PCNX2: variants seen among roughly 807,000 people sequenced by gnomAD.
PCNX2 encodes pecanex-like protein 2.
Under a neutral mutation model 223.8 loss-of-function variants are expected in PCNX2, and 168 were observed. The ratio of observed to expected loss-of-function variants is 0.75; its 90% CI spans 0.66 to 0.85. PCNX2 has a LOEUF of 0.85. Among genes scored for constraint, PCNX2 ranks in the 40% least tolerant of loss-of-function variants. The probability of loss-of-function intolerance (pLI) is 0.00; values close to 1 mark genes in which losing one functional copy is unlikely to be tolerated. For missense variants in PCNX2, 2,507 were observed against 2,675.5 expected (o/e 0.94, Z 1.39); for synonymous variants, 1,006 against 1,052.6 (o/e 0.96, Z 0.86).
intron 19 of PCNX2, among the ~76,000 whole-genome samples, chr1:233,148,624 G>A (rs2077793): frequency 0.1 from 15,536 of 151,796 alleles, 2,394 homozygotes; most frequent in African/African-American, 0.34. Context: ...CTGGCCTTGA[G>A]CTCCTGACCT....
At chr1:233,039,408 G>A (rs1226459701) in intron 25 of PCNX2, among the ~76,000 whole-genome samples, 1 of 152,160 alleles carries the variant, frequency 6.6e-6, no homozygotes, top group East Asian at 1.9e-4. Context: ...CATGTCGACA[G>A]TCGGGTAATA....
chr1:233,268,109 A>C (rs746022549), intron 1 of PCNX2, among the ~76,000 whole-genome samples: 4 of 152,132 alleles, frequency 2.6e-5, no homozygotes, highest in Non-Finnish European at 5.9e-5. Flanking sequence ...ACTAGGTTTC[A>C]CCATGTTGGC....
At chr1:233,239,945 CT>C (rs1479209177) in intron 8 of PCNX2, among the ~76,000 whole-genome samples, 1 of 152,146 alleles carries the variant, frequency 6.6e-6, no homozygotes, top group African/African-American at 2.4e-5. Context: ...TAATTAACCT[CT>C]TTTATGAGGG....
chr1:233,147,452 A>T (rs1475088331), intron 19 of PCNX2, among the ~76,000 whole-genome samples: 2 of 152,072 alleles, frequency 1.3e-5, no homozygotes, highest in African/African-American at 4.8e-5. Flanking sequence ...CTTCACGTTG[A>T]GTAGGCTGAG....
intron 8 of PCNX2, among the ~76,000 whole-genome samples, chr1:233,245,923 AAAAC>A (rs113393986): frequency 5.9e-5 from 9 of 152,014 alleles, no homozygotes; most frequent in South Asian, 4.1e-4. Context: ...CTCAAAAAAC[AAAAC>A]AAACAAACAA....
chr1:233,187,858 A>C (rs1484080787), intron 15 of PCNX2, among the ~76,000 whole-genome samples: 1 of 152,200 alleles, frequency 6.6e-6, no homozygotes, highest in Non-Finnish European at 1.5e-5. Flanking sequence ...GGTCTCTTGC[A>C]GCTAGAAATG....
the PCNX2 span, among the ~76,000 whole-genome samples, chr1:233,318,466 GA>G: frequency 0.011 from 1,598 of 151,442 alleles, 28 homozygotes; most frequent in African/African-American, 0.036. Context: ...AATGGCTGGT[GA>G]ACCCATAATC....
intron 1 of PCNX2, among the ~76,000 whole-genome samples, chr1:233,265,201 C>T (rs1273415552): frequency 6.6e-6 from 1 of 151,406 alleles, no homozygotes; most frequent in Non-Finnish European, 1.5e-5. Context: ...TATAATCATG[C>T]CACTGTACTC....
rs186579997 is a variant in PCNX2 at position 233,294,693 on chromosome 1, C to G, written c.153+633G>C. On this transcript the variant is annotated intron_variant, in intron 1 of 33. Coordinates refer to ENST00000258229, the MANE Select transcript of PCNX2 (RefSeq NM_014801.4). ...GAAGGCCATCTATGTAGTTCTTCAG[C>G]AAGCACTCACTTACCATAACCCCAC... is the stretch of plus-strand genomic sequence containing the variant. Among the ~76,000 whole-genome samples, 346 of 152,304 alleles carry G rather than the reference C, an allele frequency of 2.3e-3. 4 individuals are homozygous for G. Among genetic ancestry groups the G allele is most frequent in the South Asian group, 1.7e-3 (8 of 4,830 alleles).
intron 17 of PCNX2, among the ~76,000 whole-genome samples, chr1:233,165,349 T>C (rs1247593703): frequency 1.3e-5 from 2 of 152,118 alleles, no homozygotes; most frequent in Non-Finnish European, 2.9e-5. Context: ...ACATTTTGGT[T>C]TTTACAATTT....
rs771807234 is a variant in PCNX2, at chr1:233,199,011, C to G, written c.2994G>C (p.Ser998=). The part of the protein sequence containing the change: ...FGGSAVSGIT[S]AVYSVARSVL... ...CGCTCCGGGCCACACTGTAAACAGC[C>G]GAGGTTATCCCAGACACAGCTGGAA... The change falls in exon 15 of 34, where the codon TCG becomes TCC. Residue 998 remains serine, a synonymous_variant. Transcript: ENST00000258229. 6.3e-7 allele frequency: 1 copy of G among 1,598,118 alleles called. No homozygotes were observed. The highest frequency in any genetic ancestry group is 1.3e-5 in the African/African-American group (1 of 74,646).
intron 19 of PCNX2, among the ~76,000 whole-genome samples, chr1:233,140,579 G>C (rs572302754): frequency 2.0e-5 from 3 of 152,212 alleles, no homozygotes; most frequent in Non-Finnish European, 4.4e-5. Flanking sequence ...TGATGGGGAA[G>C]AGGTTCTTTC....
rs181530357 is a variant in PCNX2, at chr1:233,134,198, C to A, written c.3837+815G>T. Among the ~76,000 whole-genome samples, 546 of 152,260 alleles carry A rather than the reference C, an allele frequency of 3.6e-3. 9 individuals are homozygous for A. The highest frequency in any genetic ancestry group is 1.8e-3 in the Non-Finnish European group (124 of 68,016). ...ACTGCCGGTGTGAGTGTGAACACCA[C>A]GTGGAAGAGGTTGTATCATCACTGA... On this transcript the variant is annotated intron_variant, in intron 21 of 33. Transcript: ENST00000258229.
At position 233,102,295 on chromosome 1, in the gene PCNX2, G is replaced by A. The variant is rs114280017; in HGVS notation, c.3838-6432C>T. Among the ~76,000 whole-genome samples the A allele has an allele frequency of 4.7e-3, 708 of 152,206 alleles. 1 individual carries two copies. Among genetic ancestry groups the A allele is most frequent in the African/African-American group, 0.015 (635 of 41,536 alleles). ...CATTCATCTGCTGATGGGGACTGAG[G>A]TTGATTCCATATTTTGGCTGTTGTG... On this transcript the variant is annotated intron_variant, in intron 21 of 33. Coordinates refer to ENST00000258229, the MANE Select transcript of PCNX2 (RefSeq NM_014801.4).
intron 23 of PCNX2, among the ~76,000 whole-genome samples, chr1:233,064,901 T>A (rs1040555800): frequency 9.2e-5 from 14 of 152,224 alleles, no homozygotes; most frequent in African/African-American, 3.4e-4. Flanking sequence ...AACCACATAT[T>A]ACTCCACTGT....
At chr1:233,202,256 A>G (rs753050507) in intron 13 of PCNX2, 2 of 464,520 alleles carry the variant, frequency 4.3e-6, no homozygotes, top group South Asian at 3.2e-5. Flanking sequence ...TTTCCCTGTG[A>G]ACAAACATTT....
chr1:233,306,684 T>C, the PCNX2 span, among the ~76,000 whole-genome samples: 2 of 152,236 alleles, frequency 1.3e-5, no homozygotes, highest in Non-Finnish European at 2.9e-5. Context: ...CCAAAATATG[T>C]GCTTGAAGGT....
intron 23 of PCNX2, chr1:233,087,233 A>G: frequency 1.0e-6 from 1 of 984,394 alleles, no homozygotes; most frequent in Non-Finnish European, 1.2e-6. Context: ...TGCAATAAAA[A>G]CCAAGGGACT....
chr1:233,188,733 G>A (rs1439076941), intron 15 of PCNX2, among the ~76,000 whole-genome samples: 4 of 152,130 alleles, frequency 2.6e-5, no homozygotes, highest in African/African-American at 9.7e-5. Context: ...ATGTTGGTCA[G>A]GCTGGTCTCA....
Sources: gnomAD v4.1 joint callset for allele counts (sites outside exome capture counted in the v4.1 genomes callset) on GRCh38, gnomAD v4.1.1 for gene constraint, MANE v1.5 for transcripts, NCBI Gene and HGNC (gene_info 2026-07-23, HGNC 2026-07-21) for gene names.